RAPGEF5: variants seen among roughly 807,000 people sequenced by gnomAD.
The protein encoded by RAPGEF5 is M-Ras-regulated GEF.
Under a neutral mutation model 125.2 loss-of-function variants are expected in RAPGEF5, and 65 were observed. That is an observed-to-expected ratio of 0.52 (90% CI 0.43 to 0.64). The LOEUF is 0.64. Among genes scored for constraint, RAPGEF5 ranks in the 30% least tolerant of loss-of-function variants. RAPGEF5 has a pLI of 0.00. For synonymous variants in RAPGEF5, 391 were observed against 385.9 expected (o/e 1.01, Z -0.16); for missense variants, 958 against 1,048.1 (o/e 0.91, Z 1.19).
intron 13 of RAPGEF5, among the ~76,000 whole-genome samples, 157 bp downstream of exon 13, chr7:22,162,240 T>A (rs1784024245): frequency 6.6e-6 from 1 of 152,174 alleles, no homozygotes; most frequent in African/African-American, 2.4e-5. Context: ...ATATCAAGCT[T>A]CAGAAGTCAA....
intron 7 of RAPGEF5, among the ~76,000 whole-genome samples, chr7:22,237,974 T>G (rs769254073): frequency 3.9e-5 from 6 of 152,174 alleles, no homozygotes; most frequent in Non-Finnish European, 8.8e-5. Flanking sequence ...ATGCGGATTC[T>G]GATAGGTAAA....
Position 22,122,291 on chromosome 7 carries a change from G to C in RAPGEF5, c.*115C>G. The C allele has an allele frequency of 3.6e-6, 3 of 824,992 alleles. No individual in the cohort carries two copies. The highest frequency in any genetic ancestry group is 3.2e-5 in the South Asian group (2 of 62,356). The allele number at this position is 824,992 out of a possible 1,614,324, so 51.1% of individuals were successfully genotyped here. On this transcript the variant is annotated 3_prime_UTR_variant, in exon 26 of 26. Transcript: ENST00000665637. ...TGGCTGGCTTTCCTGTGAATGTCTT[G>C]GGTTATACTGATAAAACTCAGCAAC...
At chr7:22,125,428 C>A (rs1172425539) in intron 25 of RAPGEF5, 176 bp downstream of exon 25, 1 of 574,668 alleles carries the variant, frequency 1.7e-6, no homozygotes, top group Non-Finnish European at 3.1e-6. Flanking sequence ...TCCTCTGCAT[C>A]CCCAACATGC....
At chr7:22,253,323 T>G (rs1363129637) in intron 7 of RAPGEF5, among the ~76,000 whole-genome samples, 1 of 152,120 alleles carries the variant, frequency 6.6e-6, no homozygotes, top group Non-Finnish European at 1.5e-5. Context: ...AGACAATCGG[T>G]GTTGGCCTGT....
At chr7:22,267,314 T>C (rs950210681) in intron 6 of RAPGEF5, among the ~76,000 whole-genome samples, 16 of 152,166 alleles carry the variant, frequency 1.1e-4, no homozygotes, top group African/African-American at 3.9e-4. Context: ...AAAAACTATA[T>C]AATATTCAGA....
chr7:22,249,950 T>C (rs544041365), intron 7 of RAPGEF5, among the ~76,000 whole-genome samples: 58 of 152,356 alleles, frequency 3.8e-4, no homozygotes, highest in Admixed American at 2.4e-3. Flanking sequence ...GTAACTGCTA[T>C]GCAAATTAAA....
intron 11 of RAPGEF5, among the ~76,000 whole-genome samples, chr7:22,179,431 C>T (rs184831888): frequency 2.4e-4 from 37 of 152,234 alleles, no homozygotes; most frequent in East Asian, 1.5e-3. Context: ...TCTAAATATT[C>T]ACTTGTTGAG....
At chr7:22,277,925 G>A (rs1404052903) in intron 6 of RAPGEF5, among the ~76,000 whole-genome samples, 1 of 152,176 alleles carries the variant, frequency 6.6e-6, no homozygotes, top group Non-Finnish European at 1.5e-5. Flanking sequence ...CTTTTGCCCT[G>A]TAATGTAATA....
chr7:22,253,843 T>A (rs904455852), intron 7 of RAPGEF5, among the ~76,000 whole-genome samples: 2 of 152,188 alleles, frequency 1.3e-5, no homozygotes, highest in Non-Finnish European at 2.9e-5. Context: ...ATATTAGCTA[T>A]GTATTTACCA....
rs1445230472 is a variant in RAPGEF5 at position 22,120,617 on chromosome 7, T to G, written c.*1789A>C. On this transcript the variant is annotated 3_prime_UTR_variant, in exon 26 of 26. Coordinates refer to ENST00000665637, the MANE Select transcript of RAPGEF5 (RefSeq NM_012294.5). This position sits in a 1 kb window ranked among gnomAD's most constrained non-coding sequence, Gnocchi z 4.0. ...GCCCAGCCGTGAGGGAAGTCTGCTC[T>G]CCGGTTCTCACGGCTCTGGTGTCCT... is the stretch of plus-strand genomic sequence containing the variant. 1 of 152,654 alleles carries G rather than the reference T, an allele frequency of 6.6e-6. No individual in the cohort carries two copies. The highest frequency in any genetic ancestry group is 1.5e-5 in the Non-Finnish European group (1 of 68,086). 9.5% of individuals were successfully genotyped at this position (152,654 alleles called of 1,614,324 possible).
At position 22,136,982 on chromosome 7, in the gene RAPGEF5, T is replaced by C; in HGVS notation, c.2279A>G (p.Lys760Arg). Residue 760 changes from lysine to arginine, a missense_variant and splice_region_variant, in exon 22 of 26, where the codon AAA becomes AGA. Physicochemically the swap from Lys to Arg is conservative, Grantham distance 26 (BLOSUM62 2). Transcript: ENST00000665637. Reference protein sequence around the residue: ...SVSRLSQTWEKIPGKFKKLFS... With the variant: ...SVSRLSQTWERIPGKFKKLFS... Reference sequence around the variant, plus strand: ...AAGTTTCTTAAACTTCCCAGGGATTTTCTAAAAAACAAACACAAACAAAAA... The same window carrying C: ...AAGTTTCTTAAACTTCCCAGGGATTCTCTAAAAAACAAACACAAACAAAAA... The C allele has an allele frequency of 6.3e-7, 1 of 1,577,476 alleles. No homozygotes were observed. Among genetic ancestry groups the C allele is most frequent in the South Asian group, 1.2e-5 (1 of 86,878 alleles).
chr7:22,288,889 C>T (rs1253951806), intron 6 of RAPGEF5, among the ~76,000 whole-genome samples: 1 of 152,222 alleles, frequency 6.6e-6, no homozygotes, highest in East Asian at 1.9e-4. Context: ...ACATCTATTT[C>T]ATCACATTAA....
chr7:22,125,498 T>C, intron 25 of RAPGEF5, 106 bp downstream of exon 25: 3 of 1,048,260 alleles, frequency 2.9e-6, no homozygotes, highest in South Asian at 2.6e-5. Context: ...TATATACATA[T>C]GATACTTTTC....
Position 22,146,911 on chromosome 7 carries a change from T to C in RAPGEF5, c.1993A>G (p.Asn665Asp). The C allele has an allele frequency of 6.2e-7, 1 of 1,611,926 alleles. No individual in the cohort carries two copies. Among genetic ancestry groups the C allele is most frequent in the Non-Finnish European group, 8.5e-7 (1 of 1,179,380 alleles). ...TCCTCATTTACCTCGTGAATTGAAT[T>C]GAATAGACTCCAATCAAAATTCATT... ...ELMNFDWSLF[N>D]SIHEQELIYF... The change falls in exon 19 of 26, where the codon AAT (asparagine) becomes GAT (aspartate). Residue 665 changes from asparagine to aspartate, a missense_variant. By Grantham distance (23) the Asn-to-Asp change is conservative. Coordinates refer to ENST00000665637, the MANE Select transcript of RAPGEF5 (RefSeq NM_012294.5).
At chr7:22,201,083 A>G (rs1490559617) in intron 9 of RAPGEF5, among the ~76,000 whole-genome samples, 2 of 152,310 alleles carry the variant, frequency 1.3e-5, no homozygotes, top group Middle Eastern at 3.4e-3. Context: ...GGACTAGAAA[A>G]GAGGGAGATC....
At chr7:22,316,289 C>A (rs1332760439) in intron 2 of RAPGEF5, among the ~76,000 whole-genome samples, 2 of 151,206 alleles carry the variant, frequency 1.3e-5, no homozygotes, top group African/African-American at 4.9e-5. Flanking sequence ...TAATATATTA[C>A]TGGGGGTACA....
At chr7:22,229,685 G>T (rs549415578) in intron 8 of RAPGEF5, among the ~76,000 whole-genome samples, 1 of 152,116 alleles carries the variant, frequency 6.6e-6, no homozygotes, top group Non-Finnish European at 1.5e-5. Context: ...TTATATAGAC[G>T]GGCCTGCAGA....
intron 5 of RAPGEF5, among the ~76,000 whole-genome samples, chr7:22,291,633 T>C (rs377443069): frequency 2.0e-5 from 3 of 152,348 alleles, no homozygotes; most frequent in Admixed American, 6.5e-5. Context: ...AAATATGAAA[T>C]GTGAACTTTC....
At position 22,193,983 on chromosome 7, in the gene RAPGEF5, G is replaced by C. The variant is rs775310454; in HGVS notation, c.1047C>G (p.Val349=). ...AGCACTGCACTTTCTTCAGCACCAG[G>C]ACGCTCTGGTCTTGCTCTTTAACCT... ...TVQVKEQDQS[V]LVLKKVQCCG... The change falls in exon 10 of 26, where the codon GTC becomes GTG. Residue 349 remains valine (V), a synonymous_variant. Transcript: ENST00000665637. 40 of 1,613,788 alleles carry C rather than the reference G, an allele frequency of 2.5e-5. No individual in the cohort carries two copies. The highest frequency in any genetic ancestry group is 3.1e-5 in the Non-Finnish European group (36 of 1,179,870).
Sources: allele counts gnomAD v4.1 joint callset (sites outside exome capture counted in the v4.1 genomes callset), GRCh38; gene constraint gnomAD v4.1.1; non-coding constraint Gnocchi (gnomAD v3.1); transcripts MANE v1.5; gene names NCBI Gene and HGNC (gene_info 2026-07-23, HGNC 2026-07-21).